The following KLF5 variants were observed in gnomAD, a reference collection of about 807,000 sequenced individuals.
KLF5 encodes KLF transcription factor 5.
Under a neutral mutation model 36.9 loss-of-function variants are expected in KLF5, and 9 were observed. The observed-to-expected ratio is 0.24, with a 90% CI of 0.15 to 0.43. The LOEUF is 0.43. Among genes scored for constraint, KLF5 ranks in the 20% least tolerant of loss-of-function variants. KLF5 has a pLI of 1.00. For missense variants in KLF5, 524 were observed against 599.5 expected (o/e 0.87, Z 1.31); for synonymous variants, 246 against 241.7 (o/e 1.02, Z -0.17).
At position 73,075,951 on chromosome 13, in the gene KLF5, T is replaced by C; in HGVS notation, c.*65T>C. 1.5e-6 allele frequency: 2 copies of C among 1,317,564 alleles called. No individual in the cohort carries two copies. The highest frequency in any genetic ancestry group is 2.0e-6 in the Non-Finnish European group (2 of 1,005,484). 81.6% of individuals were successfully genotyped at this position (1,317,564 alleles called of 1,614,324 possible). On this transcript the variant is annotated 3_prime_UTR_variant, in exon 4 of 4. Coordinates refer to ENST00000377687, the MANE Select transcript of KLF5 (RefSeq NM_001730.5). The stretch of plus-strand genomic sequence containing the variant: ...CTCAAATGACAGACCTAACTATTCC[T>C]GTGTAAAAACAACAAAAACAAACAA...
At chr13:73,070,473 T>C (rs1366304206) in intron 3 of KLF5, among the ~76,000 whole-genome samples, 1 of 152,226 alleles carries the variant, frequency 6.6e-6, no homozygotes, top group Non-Finnish European at 1.5e-5. Context: ...TGGTATTTGA[T>C]TTCATTAACT....
In KLF5 at chr13:73,059,280, G is replaced by A; in HGVS notation, c.-48G>A. The A allele has an allele frequency of 7.6e-7, 1 of 1,315,108 alleles. No homozygotes were observed. Among genetic ancestry groups the A allele is most frequent in the Non-Finnish European group, 9.7e-7 (1 of 1,032,380 alleles). The allele number at this position is 1,315,108 out of a possible 1,614,324, so 81.5% of individuals were successfully genotyped here. A position where few individuals can be genotyped will look rare whatever the true frequency, so the allele number is the denominator to read the frequency against. Reference sequence around the variant, plus strand: ...GCCGACCCAAGCCAGCGTGGGCGAGGTGGGAAGTGCGCCCGACCCGCGCCT... The same window carrying A: ...GCCGACCCAAGCCAGCGTGGGCGAGATGGGAAGTGCGCCCGACCCGCGCCT... On this transcript the variant is annotated 5_prime_UTR_variant, in exon 1 of 4. The change creates a new upstream start codon in the 5' untranslated region. Coordinates refer to ENST00000377687, the MANE Select transcript of KLF5 (RefSeq NM_001730.5).
At position 73,077,004 on chromosome 13, in the gene KLF5, GT is replaced by G. The variant is rs2044767710; in HGVS notation, c.*1119del. Reference sequence around the variant, plus strand: ...GTTAATCTATTAATACTGACTCAGTGTCTGCCTTTAAATATAAATGATATGT... The same window carrying G: ...GTTAATCTATTAATACTGACTCAGTGCTGCCTTTAAATATAAATGATATGT... On this transcript the variant is annotated 3_prime_UTR_variant, in exon 4 of 4. Coordinates refer to ENST00000377687, the MANE Select transcript of KLF5 (RefSeq NM_001730.5). 6.6e-6 allele frequency: 1 copy of G among 152,582 alleles called. No individual in the cohort carries two copies. The highest frequency in any genetic ancestry group is 2.1e-4 in the South Asian group (1 of 4,832). 9.5% of individuals were successfully genotyped at this position (152,582 alleles called of 1,614,324 possible).
intron 3 of KLF5, among the ~76,000 whole-genome samples, chr13:73,066,826 C>T (rs557477513): frequency 2.6e-4 from 40 of 152,228 alleles, no homozygotes; most frequent in South Asian, 1.0e-3. Context: ...ACTTTGATTT[C>T]TTTATCAGGA....
chr13:73,071,409 A>C (rs1165270788), intron 3 of KLF5, among the ~76,000 whole-genome samples: 1 of 152,218 alleles, frequency 6.6e-6, no homozygotes. Context: ...AATGCTAATA[A>C]TACTAATCTT....
intron 3 of KLF5, among the ~76,000 whole-genome samples, chr13:73,075,235 A>T (rs1566567297): frequency 6.6e-6 from 1 of 152,198 alleles, no homozygotes; most frequent in Admixed American, 6.5e-5. Context: ...TTCAATGTAT[A>T]GGTGATTCGT....
intron 2 of KLF5, among the ~76,000 whole-genome samples, chr13:73,062,955 CTGT>C (rs1412716663): frequency 6.7e-6 from 1 of 148,474 alleles, no homozygotes; most frequent in South Asian, 2.1e-4. Flanking sequence ...AGTTAGTTGT[CTGT>C]TGCTTATGTT....
At position 73,062,745 on chromosome 13, in the gene KLF5, T is replaced by C. The variant is rs1352793865; in HGVS notation, c.1135+11T>C. The C allele has an allele frequency of 6.2e-7, 1 of 1,608,724 alleles. No homozygotes were observed. Among genetic ancestry groups the C allele is most frequent in the Non-Finnish European group, 8.5e-7 (1 of 1,176,674 alleles). ...ACTGCGATTACCCTGGTATGTGCTC[T>C]TACCTGGTTGAAGCATCAATAGATG... On this transcript the variant is annotated intron_variant, in intron 2 of 3. Coordinates refer to ENST00000377687, the MANE Select transcript of KLF5 (RefSeq NM_001730.5).
chr13:73,063,004 A>C (rs539604693), intron 2 of KLF5, among the ~76,000 whole-genome samples: 74 of 151,390 alleles, frequency 4.9e-4, no homozygotes, highest in African/African-American at 1.8e-3. Flanking sequence ...TTCTGGAAAA[A>C]GTTCCCTTGG....
At position 73,076,880 on chromosome 13, in the gene KLF5, C is replaced by T. The variant is rs1045044706; in HGVS notation, c.*994C>T. On this transcript the variant is annotated 3_prime_UTR_variant, in exon 4 of 4. Coordinates refer to ENST00000377687, the MANE Select transcript of KLF5 (RefSeq NM_001730.5). ...TGCAGTTTTCATATATCGAGATGTT[C>T]GCTCGTGCAGTACTGTTGGTTAAAT... 7 of 152,078 alleles carry T rather than the reference C, an allele frequency of 4.6e-5. No individual in the cohort carries two copies. The highest frequency in any genetic ancestry group is 1.4e-4 in the African/African-American group (6 of 41,410). 9.4% of individuals were successfully genotyped at this position (152,078 alleles called of 1,614,324 possible). A position where few individuals can be genotyped will look rare whatever the true frequency, so the allele number is the denominator to read the frequency against.
At position 73,075,730 on chromosome 13, in the gene KLF5, C is replaced by G. The variant is rs1438201336; in HGVS notation, c.1218C>G (p.Thr406=). 1 of 1,607,596 alleles carries G rather than the reference C, an allele frequency of 6.2e-7. No homozygotes were observed. The highest frequency in any genetic ancestry group is 1.7e-5 in the Admixed American group (1 of 59,884). Residue 406 remains threonine (T), a synonymous_variant, in exon 4 of 4, where the codon ACC becomes ACG. Coordinates refer to ENST00000377687, the MANE Select transcript of KLF5 (RefSeq NM_001730.5). ...THTGEKPYKC[T]WEGCDWRFAR... ...CAGGTGAAAAGCCATACAAGTGTAC[C>G]TGGGAAGGCTGCGACTGGAGGTTCG... is the stretch of plus-strand genomic sequence containing the variant.
At position 73,076,065 on chromosome 13, in the gene KLF5, G is replaced by C; in HGVS notation, c.*179G>C. The C allele has an allele frequency of 1.9e-6, 1 of 522,586 alleles. No homozygotes were observed. 32.4% of individuals were successfully genotyped at this position (522,586 alleles called of 1,614,324 possible). On this transcript the variant is annotated 3_prime_UTR_variant, in exon 4 of 4. Coordinates refer to ENST00000377687, the MANE Select transcript of KLF5 (RefSeq NM_001730.5). ...ACATTGTATTAATACCAAAGTGTTT[G>C]GTCATTTTAAGAATCTGGAATGCTT...
intron 3 of KLF5, among the ~76,000 whole-genome samples, chr13:73,070,026 AAAT>A (rs2044711399): frequency 6.6e-6 from 1 of 152,204 alleles, no homozygotes; most frequent in Non-Finnish European, 1.5e-5. Context: ...GAAAGATTAG[AAAT>A]AATGTCCTAC....
intron 1 of KLF5, among the ~76,000 whole-genome samples, chr13:73,060,210 G>A (rs1421585611): frequency 6.7e-6 from 1 of 148,702 alleles, no homozygotes; most frequent in East Asian, 2.0e-4. Context: ...TCGTGTGCAC[G>A]TAAATTTCCT....
At chr13:73,059,762 G>A in intron 1 of KLF5, 174 bp downstream of exon 1, 1 of 665,554 alleles carries the variant, frequency 1.5e-6, no homozygotes, top group Non-Finnish European at 1.8e-6. Context: ...CCCGCGTTTC[G>A]CTGAGAGTAA....
rs1271012102 is a variant in KLF5 at position 73,076,326 on chromosome 13, C to T, written c.*440C>T. On this transcript the variant is annotated 3_prime_UTR_variant, in exon 4 of 4. Coordinates refer to ENST00000377687, the MANE Select transcript of KLF5 (RefSeq NM_001730.5). ...TAGTTTTTTTCAATAGTAGGTAATT[C>T]CTTAGAGATACAGTATACCTGGCAA... The T allele has an allele frequency of 1.3e-5, 2 of 154,842 alleles. No individual in the cohort carries two copies. The highest frequency in any genetic ancestry group is 4.8e-5 in the African/African-American group (2 of 41,490). 9.6% of individuals were successfully genotyped at this position (154,842 alleles called of 1,614,324 possible).
intron 3 of KLF5, chr13:73,074,891 AATAG>A (rs971144129): frequency 7.2e-5 from 11 of 152,244 alleles, no homozygotes; most frequent in African/African-American, 2.7e-4. Flanking sequence ...CCTGGCCTAT[AATAG>A]ATGCTTGGCG....
chr13:73,060,114 GAGTT>G (rs905817230), intron 1 of KLF5, among the ~76,000 whole-genome samples: 1 of 140,334 alleles, frequency 7.1e-6, no homozygotes, highest in Non-Finnish European at 1.5e-5. Flanking sequence ...TGGAAAATGA[GAGTT>G]AGGAAAGCTA....
At position 73,059,584 on chromosome 13, in the gene KLF5, T is replaced by C; in HGVS notation, c.257T>C (p.Val86Ala). The change falls in exon 1 of 4, where the codon GTC becomes GCC. Residue 86 changes from valine (V) to alanine (A), a missense_variant. Val to Ala is a moderately conservative substitution (Grantham distance 64). This residue lies in a region of KLF5 where 454 missense variants were observed against 458.1 expected (regional missense o/e 0.99). Coordinates refer to ENST00000377687, the MANE Select transcript of KLF5 (RefSeq NM_001730.5). ...CCGCGGCTGCCTCCAGAGGACCTGG[T>C]CCAGGTAGGAAGAGCCGCTCCCCTC... ...TGPRLPPEDLVQTRCEMEKYL... is the reference protein window; with the variant it reads ...TGPRLPPEDLAQTRCEMEKYL... 7 of 1,161,984 alleles carry C rather than the reference T, an allele frequency of 6.0e-6. No homozygotes were observed. The highest frequency in any genetic ancestry group is 7.4e-6 in the Non-Finnish European group (7 of 945,394). The allele number at this position is 1,161,984 out of a possible 1,614,324, so 72.0% of individuals were successfully genotyped here.
Sources: allele counts gnomAD v4.1 joint callset (sites outside exome capture counted in the v4.1 genomes callset), GRCh38; gene constraint gnomAD v4.1.1; regional missense constraint gnomAD v4.1.1; transcripts MANE v1.5; gene names NCBI Gene and HGNC (gene_info 2026-07-23, HGNC 2026-07-21).